EIF1B: variants seen among roughly 807,000 people sequenced by gnomAD.
The protein encoded by EIF1B is protein translation factor SUI1 homolog GC20.
In EIF1B, 5 loss-of-function variants were observed where a neutral mutation model predicts 14.8. The observed-to-expected ratio is 0.34, with a 90% CI of 0.18 to 0.71. EIF1B has a LOEUF of 0.71. Ranked by LOEUF, EIF1B falls within the 30% of genes least tolerant of loss-of-function variation. The pLI is 0.64. For synonymous variants in EIF1B, 45 were observed against 45.8 expected (o/e 0.98, Z 0.07); for missense variants, 56 against 134.0 (o/e 0.42, Z 2.87).
intron 1 of EIF1B, 77 bp downstream of exon 1, chr3:40,310,049 T>TAGGCAGA (rs1954305057): frequency 6.3e-7 from 1 of 1,582,966 alleles, no homozygotes. Context: ...CCACCGCCCC[T>TAGGCAGA]AGGGGCCCCC....
intron 1 of EIF1B, among the ~76,000 whole-genome samples, chr3:40,310,203 C>A (rs1034798288): frequency 1.3e-5 from 2 of 152,264 alleles, no homozygotes; most frequent in Admixed American, 1.3e-4. Context: ...CTGCGCCACC[C>A]CCTGCCCCGT....
chr3:40,311,322 A>G, intron 2 of EIF1B, 148 bp from the exon 3 acceptor site: 1 of 616,422 alleles, frequency 1.6e-6, no homozygotes, highest in Non-Finnish European at 2.7e-6. Context: ...TTTACAAATT[A>G]ATTTGGAAGG....
In EIF1B at chr3:40,312,143, C is replaced by T. The variant is rs895935884; in HGVS notation, c.*129C>T. ...ATTTAATCATTCAAACTTCCATTCA[C>T]ATCTGCATGATTACAGAAAACATGG... On this transcript the variant is annotated 3_prime_UTR_variant, in exon 4 of 4. Transcript: ENST00000232905. 8.5e-6 allele frequency: 6 copies of T among 704,558 alleles called. No individual in the cohort carries two copies. Among genetic ancestry groups the T allele is most frequent in the Non-Finnish European group, 1.3e-5 (5 of 399,168 alleles). The allele number at this position is 704,558 out of a possible 1,614,324, so 43.6% of individuals were successfully genotyped here.
At chr3:40,310,015 C>T in intron 1 of EIF1B, 43 bp downstream of exon 1, 1 of 1,611,734 alleles carries the variant, frequency 6.2e-7, no homozygotes, top group Non-Finnish European at 8.5e-7. Context: ...GCCCGGCGCG[C>T]ATCTCGGCCT....
Position 40,309,715 on chromosome 3 carries a change from G to A in EIF1B, c.-227G>A, listed in dbSNP as rs1324294631. 12 of 560,772 alleles carry A rather than the reference G, an allele frequency of 2.1e-5. No individual in the cohort carries two copies. Among genetic ancestry groups the A allele is most frequent in the Non-Finnish European group, 3.8e-5 (12 of 316,860 alleles). 34.7% of individuals were successfully genotyped at this position (560,772 alleles called of 1,614,324 possible). On this transcript the variant is annotated 5_prime_UTR_variant, in exon 1 of 4. Coordinates refer to ENST00000232905, the MANE Select transcript of EIF1B (RefSeq NM_005875.3). ...CATCGGCCATTTTGTGCGAGAAGCC[G>A]CAGCGCCGCCTCTTCTCTCGCGCCC...
chr3:40,311,339 G>A (rs972717293), intron 2 of EIF1B, 131 bp from the exon 3 acceptor site: 17 of 656,592 alleles, frequency 2.6e-5, no homozygotes, highest in Non-Finnish European at 4.1e-5. Flanking sequence ...AAGGATTGTG[G>A]ATTATAGGAG....
chr3:40,309,734 C>G lies in EIF1B; in HGVS notation c.-208C>G, dbSNP rs1335855629. 3.4e-6 allele frequency: 2 copies of G among 586,236 alleles called. No individual in the cohort carries two copies. Among genetic ancestry groups the G allele is most frequent in the African/African-American group, 1.9e-5 (1 of 53,176 alleles). 36.3% of individuals were successfully genotyped at this position (586,236 alleles called of 1,614,324 possible). A position where few individuals can be genotyped will look rare whatever the true frequency, so the allele number is the denominator to read the frequency against. ...GAAGCCGCAGCGCCGCCTCTTCTCT[C>G]GCGCCCTCGCCTCTTCCTCCGCCTC... On this transcript the variant is annotated 5_prime_UTR_variant, in exon 1 of 4. Transcript: ENST00000232905.
intron 1 of EIF1B, 57 bp from the exon 2 acceptor site, chr3:40,310,836 C>G: frequency 1.3e-6 from 2 of 1,482,536 alleles, no homozygotes; most frequent in Non-Finnish European, 1.8e-6. Context: ...CTGGAAAGTA[C>G]TTCTTAAAAA....
Position 40,309,915 on chromosome 3 carries a change from C to T in EIF1B, c.-27C>T, listed in dbSNP as rs1399213732. 2 of 1,613,614 alleles carry T rather than the reference C, an allele frequency of 1.2e-6. No homozygotes were observed. The highest frequency in any genetic ancestry group is 1.7e-6 in the Non-Finnish European group (2 of 1,179,682). ...GGGCGGGCCCCGCAGGAATTTTATC[C>T]CCTCACCGGCCTCACACTAGTATCG... On this transcript the variant is annotated 5_prime_UTR_variant, in exon 1 of 4. Transcript: ENST00000232905.
chr3:40,310,334 G>A (rs1336643746), intron 1 of EIF1B, among the ~76,000 whole-genome samples: 2 of 152,346 alleles, frequency 1.3e-5, no homozygotes, highest in Non-Finnish European at 2.9e-5. Flanking sequence ...ACCAGGGATC[G>A]GCGCCCGTTC....
rs1411962967 is a variant in EIF1B, at chr3:40,312,263, T to A, written c.*249T>A. ...TGTTTCCAATGGAAAATGTTTTGAGTGTTTATTGTTCAGTTTATTACGTTT... is the reference window on the plus strand; with the variant it reads ...TGTTTCCAATGGAAAATGTTTTGAGAGTTTATTGTTCAGTTTATTACGTTT... On this transcript the variant is annotated 3_prime_UTR_variant, in exon 4 of 4. Coordinates refer to ENST00000232905, the MANE Select transcript of EIF1B (RefSeq NM_005875.3). The A allele has an allele frequency of 1.4e-5, 6 of 440,988 alleles. No homozygotes were observed. In the East Asian group the frequency reaches 2.1e-4, roughly 15 times the overall value. The allele number at this position is 440,988 out of a possible 1,614,324, so 27.3% of individuals were successfully genotyped here.
Position 40,309,826 on chromosome 3 carries a change from G to C in EIF1B, c.-116G>C. On this transcript the variant is annotated 5_prime_UTR_variant, in exon 1 of 4. Transcript: ENST00000232905. ...CCACTCCAGCCTAATCCCAACCCCA[G>C]GGCGAAGCGTTTTCTTATTTATTTC... The C allele has an allele frequency of 7.6e-7, 1 of 1,313,372 alleles. No homozygotes were observed. The allele number at this position is 1,313,372 out of a possible 1,614,324, so 81.4% of individuals were successfully genotyped here.
chr3:40,310,676 G>A, intron 1 of EIF1B: 1 of 443,484 alleles, frequency 2.3e-6, no homozygotes, highest in Non-Finnish European at 4.0e-6. Context: ...TTTCTACAAT[G>A]GACATAGCTG....
At chr3:40,310,786 C>T (rs750376606) in intron 1 of EIF1B, 107 bp from the exon 2 acceptor site, 4 of 1,270,064 alleles carry the variant, frequency 3.1e-6, no homozygotes, top group Middle Eastern at 2.4e-4. Flanking sequence ...GCACTAGAAC[C>T]TTCATTGATG....
At position 40,309,950 on chromosome 3, in the gene EIF1B, T is replaced by C; in HGVS notation, c.9T>C (p.Thr3=). Residue 3 remains threonine, a synonymous_variant, in exon 1 of 4, where the codon ACT becomes ACC. Transcript: ENST00000232905. MS[T]IQNLQSFDPF... ...CCTCACACTAGTATCGCATGTCCAC[T>C]ATCCAGAACCTCCAATCTTTCGGTA... The C allele has an allele frequency of 1.2e-6, 2 of 1,614,020 alleles. No individual in the cohort carries two copies. Among genetic ancestry groups the C allele is most frequent in the Non-Finnish European group, 8.5e-7 (1 of 1,179,980 alleles).
rs1050515252 is a variant in EIF1B, at chr3:40,309,737, G to C, written c.-205G>C. The stretch of plus-strand genomic sequence containing the variant: ...GCCGCAGCGCCGCCTCTTCTCTCGC[G>C]CCCTCGCCTCTTCCTCCGCCTCCTC... On this transcript the variant is annotated 5_prime_UTR_variant, in exon 1 of 4. Transcript: ENST00000232905. 1.7e-6 allele frequency: 1 copy of C among 585,368 alleles called. No individual in the cohort carries two copies. Among genetic ancestry groups the C allele is most frequent in the Non-Finnish European group, 3.0e-6 (1 of 333,470 alleles). The allele number at this position is 585,368 out of a possible 1,614,324, so 36.3% of individuals were successfully genotyped here.
chr3:40,311,716 G>C (rs2125570028), intron 3 of EIF1B, 145 bp downstream of exon 3: 2 of 720,916 alleles, frequency 2.8e-6, no homozygotes, highest in South Asian at 3.7e-5. Context: ...TATTTGGAAA[G>C]CAAAGACCTT....
intron 1 of EIF1B, 104 bp downstream of exon 1, chr3:40,310,076 A>G: frequency 6.8e-7 from 1 of 1,474,650 alleles, no homozygotes. Context: ...CCCTTCCCGC[A>G]CCCCTAGTGG....
intron 2 of EIF1B, 160 bp downstream of exon 2, chr3:40,311,216 T>A: frequency 1.4e-6 from 1 of 701,442 alleles, no homozygotes; most frequent in Non-Finnish European, 2.3e-6. Context: ...TCTCCCAGTG[T>A]GGTCTCTCAT....
Sources: gnomAD v4.1 joint callset for allele counts (sites outside exome capture counted in the v4.1 genomes callset) on GRCh38, gnomAD v4.1.1 for gene constraint, MANE v1.5 for transcripts, NCBI Gene and HGNC (gene_info 2026-07-23, HGNC 2026-07-21) for gene names.